The following GRIK5 variants were observed in gnomAD, a reference collection of about 807,000 sequenced individuals.
The protein encoded by GRIK5 is glutamate ionotropic receptor kainate type subunit 5, also known as glutamate receptor ionotropic, kainate 5.
In GRIK5, 43 loss-of-function variants were observed where a neutral mutation model predicts 97.4. The observed-to-expected ratio is 0.44, with a 90% confidence interval of 0.35 to 0.57. The LOEUF (loss-of-function observed/expected upper bound fraction) is 0.57. Among genes scored for constraint, GRIK5 ranks in the 20% least tolerant of loss-of-function variants. GRIK5 has a pLI of 0.01. For missense variants in GRIK5, 1,015 were observed against 1,382.0 expected (o/e 0.73, Z 4.21); for synonymous variants, 580 against 583.5 (o/e 0.99, Z 0.09).
intron 12 of GRIK5, among the ~76,000 whole-genome samples, chr19:42,023,455 T>G (rs2075728166): frequency 6.6e-6 from 1 of 152,146 alleles, no homozygotes; most frequent in African/African-American, 2.4e-5. Context: ...AATATAGGAC[T>G]CCAATTATTT....
At chr19:42,039,798 G>C (rs2075956293) in intron 12 of GRIK5, among the ~76,000 whole-genome samples, 1 of 151,780 alleles carries the variant, frequency 6.6e-6, no homozygotes, top group Non-Finnish European at 1.5e-5. Flanking sequence ...TAGGCAACAG[G>C]GCCAGACCCC....
At chr19:42,064,430 T>A (rs2076300930) in intron 3 of GRIK5, among the ~76,000 whole-genome samples, 1 of 151,728 alleles carries the variant, frequency 6.6e-6, no homozygotes, top group Non-Finnish European at 1.5e-5. Flanking sequence ...TACCCCCCCA[T>A]TTCTTGGCTC....
Position 42,043,258 on chromosome 19 carries a change from C to A in GRIK5, c.1270-503G>T, listed in dbSNP as rs575961344. 1.1e-4 allele frequency among the ~76,000 whole-genome samples: 17 copies of A among 152,298 alleles called. No homozygotes were observed. In the East Asian group the frequency reaches 2.7e-3, roughly 24 times the overall value. ...TGATATTTTCTATTCTGCTATACTTCATCTTTCCACATGGCTGGTAATGAC... is the reference window on the plus strand; with the variant it reads ...TGATATTTTCTATTCTGCTATACTTAATCTTTCCACATGGCTGGTAATGAC... On this transcript the variant is annotated intron_variant, in intron 11 of 19. Coordinates refer to ENST00000593562, the MANE Select transcript of GRIK5 (RefSeq NM_002088.5).
At position 42,022,298 on chromosome 19, in the gene GRIK5, G is replaced by A; in HGVS notation, c.1530C>T (p.Ile510=). ...GGGTCATAAAGGGCTTGGAAAAGTC[G>A]ATGACCTTCTCCCGCTCAGCTGTGA... The part of the protein sequence containing the change: ...FTITAEREKV[I]DFSKPFMTLG... The change falls in exon 13 of 20, where the codon ATC becomes ATT. Residue 510 remains isoleucine, a synonymous_variant. Coordinates refer to ENST00000593562, the MANE Select transcript of GRIK5 (RefSeq NM_002088.5). The surrounding 1 kb of genome is among the most constrained non-coding windows in gnomAD (Gnocchi z 4.2). 1.2e-6 allele frequency: 2 copies of A among 1,614,122 alleles called. No individual in the cohort carries two copies. The highest frequency in any genetic ancestry group is 1.3e-5 in the African/African-American group (1 of 75,048).
At chr19:42,010,226 A>G (rs2075545434) in intron 15 of GRIK5, among the ~76,000 whole-genome samples, 1 of 152,178 alleles carries the variant, frequency 6.6e-6, no homozygotes, top group South Asian at 2.1e-4. Flanking sequence ...GAAAGAGAGG[A>G]GAGAAAGGGA....
At chr19:42,057,842 T>C (rs897048682) in intron 6 of GRIK5, among the ~76,000 whole-genome samples, 1 of 152,208 alleles carries the variant, frequency 6.6e-6, no homozygotes, top group African/African-American at 2.4e-5. Flanking sequence ...GACCCTTTTC[T>C]CATAATCCTC....
chr19:42,015,045 A>G (rs2075608818), intron 15 of GRIK5, among the ~76,000 whole-genome samples: 1 of 152,232 alleles, frequency 6.6e-6, no homozygotes, highest in Admixed American at 6.5e-5. Flanking sequence ...AGAACACAGA[A>G]TGTTACCAGG....
At chr19:42,011,341 AGGAGATCGAGAC>A (rs2075559335) in intron 15 of GRIK5, among the ~76,000 whole-genome samples, 1 of 150,910 alleles carries the variant, frequency 6.6e-6, no homozygotes, top group South Asian at 2.1e-4. Flanking sequence ...TCACGAGGTC[AGGAGATCGAGAC>A]CATCCTGGCT....
At chr19:42,010,494 G>A (rs1555873748) in intron 15 of GRIK5, among the ~76,000 whole-genome samples, 1 of 152,206 alleles carries the variant, frequency 6.6e-6, no homozygotes, top group African/African-American at 2.4e-5. Flanking sequence ...GTCAGAGAGT[G>A]TGCAAGCCCA....
chr19:41,998,893 C>T lies in GRIK5; in HGVS notation c.2921G>A (p.Arg974Gln), dbSNP rs1179546393. 2 of 1,109,652 alleles carry T rather than the reference C, an allele frequency of 1.8e-6. No homozygotes were observed. The highest frequency in any genetic ancestry group is 1.0e-4 in the Admixed American group (2 of 19,768). 68.7% of individuals were successfully genotyped at this position (1,109,652 alleles called of 1,614,324 possible). ...PRPRPGPAGP[R>Q]ELAEHE ...TGGTCACTCGTGCTCCGCCAGCTCCCGGGGGCCGGCGGGGCCAGGCCGCGG... is the reference window on the plus strand; with the variant it reads ...TGGTCACTCGTGCTCCGCCAGCTCCTGGGGGCCGGCGGGGCCAGGCCGCGG... Residue 974 changes from arginine to glutamine, a missense_variant, in exon 20 of 20, where the codon CGG becomes CAG. By Grantham distance (43) the Arg-to-Gln change is conservative. This residue lies in a region of GRIK5 where 109 missense variants were observed against 100.4 expected (regional missense o/e 1.09). Coordinates refer to ENST00000593562, the MANE Select transcript of GRIK5 (RefSeq NM_002088.5).
chr19:42,036,163 G>A (rs770464159), intron 12 of GRIK5, among the ~76,000 whole-genome samples: 4 of 151,912 alleles, frequency 2.6e-5, no homozygotes, highest in African/African-American at 4.8e-5. Flanking sequence ...AGGTTCAAGC[G>A]ATTCTCCTGC....
At chr19:42,000,844 G>C (rs1253336025) in intron 19 of GRIK5, among the ~76,000 whole-genome samples, 1 of 152,188 alleles carries the variant, frequency 6.6e-6, no homozygotes, top group Non-Finnish European at 1.5e-5. Flanking sequence ...AGAGGTCCTT[G>C]TCTGAGGAAC....
Position 42,054,486 on chromosome 19 carries a change from G to A in GRIK5, c.904-14C>T, listed in dbSNP as rs374321196. ...GGCGGCTGACAGCTGCGGTGGGACA[G>A]AGGCGGGGGTGGGATGGATAAGAGG... On this transcript the variant is annotated splice_polypyrimidine_tract_variant and intron_variant, in intron 8 of 19. Coordinates refer to ENST00000593562, the MANE Select transcript of GRIK5 (RefSeq NM_002088.5). The A allele has an allele frequency of 9.9e-6, 16 of 1,609,850 alleles. No homozygotes were observed. Among genetic ancestry groups the A allele is most frequent in the Non-Finnish European group, 1.4e-5 (16 of 1,179,052 alleles).
rs557005870 is a variant in GRIK5 at position 41,998,781 on chromosome 19, C to G, written c.*90G>C. 4.6e-6 allele frequency: 3 copies of G among 645,794 alleles called. No individual in the cohort carries two copies. The highest frequency in any genetic ancestry group is 9.4e-5 in the East Asian group (1 of 10,686). 40.0% of individuals were successfully genotyped at this position (645,794 alleles called of 1,614,324 possible). On this transcript the variant is annotated 3_prime_UTR_variant, in exon 20 of 20. Transcript: ENST00000593562. Reference sequence around the variant, plus strand: ...GGGCGCCGGCGCACAAGTCCTGTCCCGCGCCCGCTGCGGGAGCGGAGACTG... The same window carrying G: ...GGGCGCCGGCGCACAAGTCCTGTCCGGCGCCCGCTGCGGGAGCGGAGACTG...
chr19:42,004,393 C>G (rs1555871874), intron 17 of GRIK5, among the ~76,000 whole-genome samples: 5 of 152,176 alleles, frequency 3.3e-5, no homozygotes, highest in African/African-American at 9.7e-5. Flanking sequence ...CTATTCTATA[C>G]TTATTTCTTC....
At chr19:42,056,847 G>A (rs758525678) in intron 7 of GRIK5, 24 bp from the exon 8 acceptor site, 1 of 1,614,002 alleles carries the variant, frequency 6.2e-7, no homozygotes, top group South Asian at 1.1e-5. Flanking sequence ...GAGGTGGTGA[G>A]GCCTGGGGCT....
At position 42,062,385 on chromosome 19, in the gene GRIK5, C is replaced by T. The variant is rs1183944563; in HGVS notation, c.508+103G>A. The T allele has an allele frequency of 2.5e-6, 3 of 1,209,848 alleles. No individual in the cohort carries two copies. In the Admixed American group the frequency reaches 6.8e-5, roughly 27 times the overall value. 74.9% of individuals were successfully genotyped at this position (1,209,848 alleles called of 1,614,324 possible). A position where few individuals can be genotyped will look rare whatever the true frequency, so the allele number is the denominator to read the frequency against. On this transcript the variant is annotated intron_variant, in intron 5 of 19. Coordinates refer to ENST00000593562, the MANE Select transcript of GRIK5 (RefSeq NM_002088.5). The surrounding 1 kb of genome is among the most constrained non-coding windows in gnomAD (Gnocchi z 5.3). Reference sequence around the variant, plus strand: ...AGAAGAGCCTGGTGCCTGGGTGCCCCAGGGTTCTAACTAGGGGGCAGTGAA... The same window carrying T: ...AGAAGAGCCTGGTGCCTGGGTGCCCTAGGGTTCTAACTAGGGGGCAGTGAA...
At position 42,022,591 on chromosome 19, in the gene GRIK5, C is replaced by A. The variant is rs2075714481; in HGVS notation, c.1474-237G>T. 5 of 984,970 alleles carry A rather than the reference C, an allele frequency of 5.1e-6. No individual in the cohort carries two copies. The highest frequency in any genetic ancestry group is 6.0e-6 in the Non-Finnish European group (5 of 829,840). 61.0% of individuals were successfully genotyped at this position (984,970 alleles called of 1,614,324 possible). On this transcript the variant is annotated intron_variant, in intron 12 of 19. Transcript: ENST00000593562. This position sits in a 1 kb window ranked among gnomAD's most constrained non-coding sequence, Gnocchi z 4.2. ...CGTCTCCAGACACACTGACTCCGTC[C>A]CCTAGGCCTCAACTGTGTCCCAGCA...
chr19:42,005,570 C>G (rs1255687433), intron 17 of GRIK5, among the ~76,000 whole-genome samples, 153 bp downstream of exon 17: 2 of 152,186 alleles, frequency 1.3e-5, no homozygotes, highest in Non-Finnish European at 2.9e-5. Context: ...AGGCTCAGGA[C>G]GGTGATGTCG....
Sources: gnomAD v4.1 joint callset for allele counts (sites outside exome capture counted in the v4.1 genomes callset) on GRCh38, gnomAD v4.1.1 for gene constraint, gnomAD v4.1.1 regional missense constraint, Gnocchi (gnomAD v3.1) non-coding constraint, MANE v1.5 for transcripts, NCBI Gene and HGNC (gene_info 2026-07-23, HGNC 2026-07-21) for gene names.